OLA1: variants seen among roughly 807,000 people sequenced by gnomAD.
OLA1 encodes obg-like ATPase 1.
In OLA1, 14 loss-of-function variants were observed where a neutral mutation model predicts 48.4. That is an observed-to-expected ratio of 0.29 (90% CI 0.19 to 0.45). OLA1 has a LOEUF of 0.45. OLA1 is among the 20% of genes least tolerant of loss of function. The pLI is 1.00. For missense variants in OLA1, 325 were observed against 467.1 expected (o/e 0.70, Z 2.80); for synonymous variants, 127 against 150.4 (o/e 0.84, Z 1.14).
intron 7 of OLA1, among the ~76,000 whole-genome samples, chr2:174,104,728 CA>C (rs1332992550): frequency 6.6e-6 from 1 of 151,940 alleles, no homozygotes; most frequent in Non-Finnish European, 1.5e-5. Context: ...CAGTTTGAAG[CA>C]GCACAAAAAC....
intron 2 of OLA1, among the ~76,000 whole-genome samples, chr2:174,239,103 T>C (rs552825434): frequency 6.0e-4 from 91 of 152,294 alleles, no homozygotes; most frequent in Non-Finnish European, 1.1e-3. Context: ...CTTCTACAAA[T>C]TGTTTCTTCT....
chr2:174,092,201 T>C (rs751768447), intron 7 of OLA1, among the ~76,000 whole-genome samples: 7 of 151,750 alleles, frequency 4.6e-5, no homozygotes, highest in Admixed American at 6.6e-5. Flanking sequence ...GGAGGGGTTA[T>C]TGACCAGTTA....
chr2:174,235,899 C>T (rs1688838839), intron 2 of OLA1, among the ~76,000 whole-genome samples: 1 of 152,154 alleles, frequency 6.6e-6, no homozygotes, highest in Non-Finnish European at 1.5e-5. Flanking sequence ...GTTCACATTC[C>T]TATGAGCCAC....
intron 1 of OLA1, chr2:174,247,978 T>C: frequency 1.7e-6 from 1 of 587,222 alleles, no homozygotes; most frequent in South Asian, 2.2e-5. Flanking sequence ...TTGTACCTCC[T>C]AGGACCACGC....
At chr2:174,170,591 G>A (rs1355623148) in intron 4 of OLA1, among the ~76,000 whole-genome samples, 1 of 152,148 alleles carries the variant, frequency 6.6e-6, no homozygotes, top group Non-Finnish European at 1.5e-5. Context: ...TTCTGTATAA[G>A]AGATACATTT....
chr2:174,168,996 T>C (rs1198212357), intron 4 of OLA1, among the ~76,000 whole-genome samples: 1 of 151,900 alleles, frequency 6.6e-6, no homozygotes, highest in African/African-American at 2.4e-5. Flanking sequence ...TCTCGCCCTG[T>C]TGCCCAGGCT....
intron 2 of OLA1, among the ~76,000 whole-genome samples, chr2:174,245,341 C>T (rs888004047): frequency 2.0e-5 from 3 of 152,212 alleles, no homozygotes; most frequent in African/African-American, 7.2e-5. Flanking sequence ...ATCAGGACAG[C>T]CACACTTGCT....
At chr2:174,153,036 A>T (rs766908184) in intron 4 of OLA1, among the ~76,000 whole-genome samples, 1 of 152,174 alleles carries the variant, frequency 6.6e-6, no homozygotes, top group African/African-American at 2.4e-5. Flanking sequence ...GAATAAAACT[A>T]CCATCCCTTT....
At chr2:174,105,146 A>G (rs374487897) in intron 7 of OLA1, among the ~76,000 whole-genome samples, 1 of 151,938 alleles carries the variant, frequency 6.6e-6, no homozygotes, top group African/African-American at 2.4e-5. Context: ...AAACTTTATA[A>G]CAGACAAGGT....
intron 4 of OLA1, among the ~76,000 whole-genome samples, chr2:174,165,018 G>A (rs1687128362): frequency 6.6e-6 from 1 of 152,212 alleles, no homozygotes; most frequent in Admixed American, 6.5e-5. Context: ...AAAAGGTAGA[G>A]TAGAGACAGA....
rs188483425 is a variant in OLA1, at chr2:174,169,638, C to T, written c.374-27638G>A. Among the ~76,000 whole-genome samples the T allele has an allele frequency of 2.7e-3, 417 of 152,180 alleles. 2 individuals are homozygous for T. The highest frequency in any genetic ancestry group is 5.0e-3 in the Non-Finnish European group (343 of 67,992). On this transcript the variant is annotated intron_variant, in intron 4 of 10. Coordinates refer to ENST00000284719, the MANE Select transcript of OLA1 (RefSeq NM_013341.5). ...AAAGAAAACTAAGAGAATTTATTGC[C>T]AACAGCCCTGCGCTATAATTAATGC...
chr2:174,187,095 G>A (rs1251806528), intron 4 of OLA1, among the ~76,000 whole-genome samples: 1 of 152,124 alleles, frequency 6.6e-6, no homozygotes, highest in African/African-American at 2.4e-5. Flanking sequence ...AAAAATTAAA[G>A]GGAATTGTGA....
chr2:174,080,896 G>A (rs1684838802), intron 9 of OLA1: 1 of 378,256 alleles, frequency 2.6e-6, no homozygotes. Context: ...CTGACCACAG[G>A]AGGAGGGTAG....
chr2:174,224,841 G>C (rs952088300), intron 3 of OLA1, among the ~76,000 whole-genome samples: 31 of 152,156 alleles, frequency 2.0e-4, no homozygotes, highest in Non-Finnish European at 4.4e-4. Context: ...CCAGGCCTTT[G>C]ATGATATCAC....
chr2:174,145,761 T>G (rs66531219), intron 4 of OLA1, among the ~76,000 whole-genome samples: 17,790 of 152,224 alleles, frequency 0.12, 2,348 homozygotes, highest in East Asian at 0.72. Context: ...ATGTGAGTAA[T>G]TATGTATAAA....
chr2:174,233,324 C>T (rs1688773475), intron 2 of OLA1, among the ~76,000 whole-genome samples: 1 of 152,076 alleles, frequency 6.6e-6, no homozygotes, highest in Admixed American at 6.6e-5. Flanking sequence ...ATACAGTTAA[C>T]ACAATTGAAC....
intron 4 of OLA1, among the ~76,000 whole-genome samples, chr2:174,219,469 A>G (rs71417461): frequency 1.8e-5 from 2 of 110,018 alleles, no homozygotes; most frequent in African/African-American, 3.7e-5. Context: ...TCACTCTGCC[A>G]CCCAGGTTGG....
At chr2:174,120,087 G>T (rs954186503) in intron 7 of OLA1, among the ~76,000 whole-genome samples, 1 of 151,938 alleles carries the variant, frequency 6.6e-6, no homozygotes, top group Non-Finnish European at 1.5e-5. Flanking sequence ...AGAAAGGTAG[G>T]ATCACAAAAA....
chr2:174,226,487 T>C (rs1242309894), intron 3 of OLA1, among the ~76,000 whole-genome samples: 1 of 152,120 alleles, frequency 6.6e-6, no homozygotes, highest in Non-Finnish European at 1.5e-5. Flanking sequence ...GTTCTTTTTT[T>C]TTTTGGCAGG....
Sources: allele counts gnomAD v4.1 joint callset (sites outside exome capture counted in the v4.1 genomes callset), GRCh38; gene constraint gnomAD v4.1.1; transcripts MANE v1.5; gene names NCBI Gene and HGNC (gene_info 2026-07-23, HGNC 2026-07-21).